Variants in PPFIA2 observed in about 807,000 individuals in gnomAD.
The protein encoded by PPFIA2 is PPFI scaffold protein A2.
PPFIA2 carries 46 observed loss-of-function variants against 175.5 expected under a neutral mutation model. That is an observed-to-expected ratio of 0.26 (90% CI 0.21 to 0.34). The LOEUF (loss-of-function observed/expected upper bound fraction) is 0.34, where lower values mean the gene tolerates loss of function less well. PPFIA2 is among the 10% of genes least tolerant of loss of function. The probability of loss-of-function intolerance (pLI) is 1.00; values close to 1 mark genes in which losing one functional copy is unlikely to be tolerated. For missense variants in PPFIA2, 1,179 were observed against 1,506.1 expected (o/e 0.78, Z 3.60); for synonymous variants, 568 against 511.4 (o/e 1.11, Z -1.49).
rs534667133 is a variant in PPFIA2 at position 81,662,345 on chromosome 12, G to A, written c.303+14446C>T. 5.6e-4 allele frequency among the ~76,000 whole-genome samples: 85 copies of A among 152,052 alleles called. No homozygotes were observed. The South Asian group carries it at 0.013, about 23-fold the overall frequency. ...GAAAAGAGAGAAGAATCAAATAGAC[G>A]CAATAAACAATGATAAAGGGGATAT... On this transcript the variant is annotated intron_variant, in intron 4 of 32. Transcript: ENST00000549396.
intron 4 of PPFIA2, among the ~76,000 whole-genome samples, chr12:81,593,750 A>C (rs1468481283): frequency 6.6e-6 from 1 of 152,230 alleles, no homozygotes; most frequent in Non-Finnish European, 1.5e-5. Context: ...GTGAAGAGGC[A>C]AAGACAATCA....
intron 3 of PPFIA2, among the ~76,000 whole-genome samples, chr12:81,699,023 G>C (rs2076206152): frequency 6.6e-6 from 1 of 152,016 alleles, no homozygotes; most frequent in South Asian, 2.1e-4. Context: ...AAAAGCCTTA[G>C]ATCACATATT....
At chr12:81,498,750 A>T (rs940013379) in intron 4 of PPFIA2, among the ~76,000 whole-genome samples, 2 of 151,938 alleles carry the variant, frequency 1.3e-5, no homozygotes, top group Non-Finnish European at 2.9e-5. Flanking sequence ...TCAGCCTCCC[A>T]AGTAGCTGGG....
intron 4 of PPFIA2, among the ~76,000 whole-genome samples, chr12:81,601,112 T>C (rs2059745453): frequency 6.6e-6 from 1 of 151,946 alleles, no homozygotes; most frequent in South Asian, 2.1e-4. Context: ...TCATATTTCT[T>C]TGGTGGGGGA....
chr12:81,614,041 CA>C (rs1289483164), intron 4 of PPFIA2, among the ~76,000 whole-genome samples: 16 of 152,146 alleles, frequency 1.1e-4, no homozygotes, highest in Admixed American at 2.0e-4. Context: ...TTCTAACCAC[CA>C]AACTATATTA....
intron 7 of PPFIA2, among the ~76,000 whole-genome samples, chr12:81,417,935 T>C (rs1421172160): frequency 6.6e-6 from 1 of 151,792 alleles, no homozygotes. Context: ...TTAAAGGAGA[T>C]GGATAGTATC....
At chr12:81,454,699 A>G (rs1001206370) in intron 5 of PPFIA2, among the ~76,000 whole-genome samples, 2 of 152,126 alleles carry the variant, frequency 1.3e-5, no homozygotes, top group African/African-American at 4.8e-5. Context: ...CCATCCACAC[A>G]TGGTTTCATG....
intron 4 of PPFIA2, among the ~76,000 whole-genome samples, chr12:81,503,824 A>G (rs2060847641): frequency 6.6e-6 from 1 of 152,112 alleles, no homozygotes; most frequent in Non-Finnish European, 1.5e-5. Context: ...AGAATCTACA[A>G]TGTATGAAAA....
At chr12:81,292,070 G>A (rs901701141) in intron 24 of PPFIA2, among the ~76,000 whole-genome samples, 1 of 151,898 alleles carries the variant, frequency 6.6e-6, no homozygotes, top group African/African-American at 2.4e-5. Flanking sequence ...ATTCCCTATT[G>A]TTCATTAAGA....
At chr12:81,424,472 A>G (rs2046809547) in intron 7 of PPFIA2, among the ~76,000 whole-genome samples, 1 of 152,170 alleles carries the variant, frequency 6.6e-6, no homozygotes, top group South Asian at 2.1e-4. Flanking sequence ...TGGGAATACT[A>G]CTGATATTTA....
chr12:81,657,519 T>A (rs1020721611), intron 4 of PPFIA2, among the ~76,000 whole-genome samples: 1 of 152,162 alleles, frequency 6.6e-6, no homozygotes, highest in African/African-American at 2.4e-5. Context: ...TAAGCAAGTA[T>A]CAACCCTAAT....
At chr12:81,749,680 G>C (rs1478643146) in intron 3 of PPFIA2, among the ~76,000 whole-genome samples, 1 of 143,938 alleles carries the variant, frequency 6.9e-6, no homozygotes, top group Non-Finnish European at 1.6e-5. Flanking sequence ...TAAAACAAAT[G>C]CAAGTAATTC....
At chr12:81,594,555 G>A (rs1232228801) in intron 4 of PPFIA2, among the ~76,000 whole-genome samples, 2 of 152,092 alleles carry the variant, frequency 1.3e-5, no homozygotes, top group Non-Finnish European at 2.9e-5. Flanking sequence ...ATTTATGAAA[G>A]TTTCCACAGA....
chr12:81,328,575 C>T (rs2055349301), intron 21 of PPFIA2, among the ~76,000 whole-genome samples: 1 of 152,056 alleles, frequency 6.6e-6, no homozygotes, highest in African/African-American at 2.4e-5. Context: ...TTTAAAATTA[C>T]ATATGTGGTT....
chr12:81,386,495 A>G (rs1427943383), intron 8 of PPFIA2, among the ~76,000 whole-genome samples: 3 of 151,520 alleles, frequency 2.0e-5, no homozygotes, highest in Non-Finnish European at 2.9e-5. Context: ...TGTGGCACGC[A>G]CCCATAGTCC....
intron 21 of PPFIA2, among the ~76,000 whole-genome samples, chr12:81,328,885 C>T (rs2055460131): frequency 6.7e-6 from 1 of 148,650 alleles, no homozygotes; most frequent in Non-Finnish European, 1.5e-5. Context: ...GCCATCAGAG[C>T]TCACTGCAGC....
intron 4 of PPFIA2, among the ~76,000 whole-genome samples, chr12:81,629,880 G>A (rs1373385717): frequency 1.1e-4 from 16 of 152,194 alleles, no homozygotes; most frequent in Admixed American, 1.0e-3. Flanking sequence ...AAGCCTGTAT[G>A]TGTTACTTTA....
At chr12:81,688,364 T>C (rs1309560797) in intron 3 of PPFIA2, among the ~76,000 whole-genome samples, 1 of 151,920 alleles carries the variant, frequency 6.6e-6, no homozygotes, top group Non-Finnish European at 1.5e-5. Context: ...AGAATATCAA[T>C]ATTATAATCC....
chr12:81,532,726 T>G (rs1276701911), intron 4 of PPFIA2, among the ~76,000 whole-genome samples: 4 of 151,798 alleles, frequency 2.6e-5, no homozygotes, highest in African/African-American at 9.7e-5. Flanking sequence ...TTCTTTTTAT[T>G]ATGATTAAAT....
Sources: allele counts gnomAD v4.1 joint callset (sites outside exome capture counted in the v4.1 genomes callset), GRCh38; gene constraint gnomAD v4.1.1; transcripts MANE v1.5; gene names NCBI Gene and HGNC (gene_info 2026-07-23, HGNC 2026-07-21).